Variants in CDH4 observed in about 807,000 individuals in gnomAD.
CDH4 encodes cadherin 4.
A neutral mutation model predicts 86.0 loss-of-function variants in CDH4; 33 were observed. The observed-to-expected ratio is 0.38, with a 90% CI of 0.29 to 0.51. The LOEUF (loss-of-function observed/expected upper bound fraction) is 0.51, where lower values mean the gene tolerates loss of function less well. Among genes scored for constraint, CDH4 ranks in the 20% least tolerant of loss-of-function variants. The pLI is 0.86. For missense variants in CDH4, 1,114 were observed against 1,307.4 expected (o/e 0.85, Z 2.28); for synonymous variants, 555 against 549.4 (o/e 1.01, Z -0.14).
intron 2 of CDH4, among the ~76,000 whole-genome samples, chr20:61,346,602 G>T (rs899883698): frequency 1.3e-5 from 2 of 152,076 alleles, no homozygotes; most frequent in African/African-American, 2.4e-5. Context: ...AAATTAGCTG[G>T]GCGTGGTGGC....
At chr20:61,363,427 T>A (rs187447846) in intron 2 of CDH4, among the ~76,000 whole-genome samples, 66 of 151,884 alleles carry the variant, frequency 4.3e-4, no homozygotes, top group African/African-American at 1.4e-3. Flanking sequence ...TCTCTCTCTC[T>A]CACATACACA....
intron 2 of CDH4, among the ~76,000 whole-genome samples, chr20:61,484,521 T>A (rs1338772682): frequency 1.3e-5 from 2 of 152,218 alleles, no homozygotes; most frequent in Non-Finnish European, 2.9e-5. Flanking sequence ...TGAGCAACCT[T>A]ACTTGGCTTT....
At position 61,383,275 on chromosome 20, in the gene CDH4, A is replaced by T. The variant is rs567184609; in HGVS notation, c.169+128338A>T. On this transcript the variant is annotated intron_variant, in intron 2 of 15. Transcript: ENST00000614565. Reference sequence around the variant, plus strand: ...ATATGAATATATGTGATATATATGAATATATGATATATATGAATATATGTG... The same window carrying T: ...ATATGAATATATGTGATATATATGATTATATGATATATATGAATATATGTG... Among the ~76,000 whole-genome samples the T allele has an allele frequency of 1.5e-3, 119 of 78,240 alleles. 19 individuals are homozygous for T. Among genetic ancestry groups the T allele is most frequent in the African/African-American group, 7.5e-3 (112 of 14,958 alleles). The allele number at this position is 78,240 out of a possible 152,430, so 51.3% of individuals were successfully genotyped here.
chr20:61,298,815 T>G (rs1413740797), intron 2 of CDH4, among the ~76,000 whole-genome samples: 1 of 2,234 alleles, frequency 4.5e-4, no homozygotes, highest in Non-Finnish European at 0.062. Context: ...GTGAGAGTCT[T>G]TTTTTTTTTC....
At chr20:61,639,322 G>T (rs893166641) in intron 2 of CDH4, among the ~76,000 whole-genome samples, 1 of 151,922 alleles carries the variant, frequency 6.6e-6, no homozygotes, top group African/African-American at 2.4e-5. Context: ...CTCCTTTGGA[G>T]GCGGGGGGCA....
rs531387785 is a variant in CDH4 at position 61,744,013 on chromosome 20, A to G, written c.396+224A>G. On this transcript the variant is annotated intron_variant, in intron 3 of 15. Transcript: ENST00000614565. ...CCCTGGGCAGGCACACAGGCCCCACACTCAGGTTCAGACACTATGCCACGG... is the reference window on the plus strand; with the variant it reads ...CCCTGGGCAGGCACACAGGCCCCACGCTCAGGTTCAGACACTATGCCACGG... Among the ~76,000 whole-genome samples the G allele has an allele frequency of 7.2e-5, 11 of 152,248 alleles. No homozygotes were observed. In the South Asian group the frequency reaches 1.7e-3, roughly 23 times the overall value.
intron 7 of CDH4, among the ~76,000 whole-genome samples, chr20:61,887,249 G>T (rs966638080): frequency 6.6e-6 from 1 of 152,204 alleles, no homozygotes; most frequent in Admixed American, 6.5e-5. Context: ...CAACGGGAAG[G>T]CCACTGGCTG....
At position 61,544,170 on chromosome 20, in the gene CDH4, C is replaced by T. The variant is rs575107195; in HGVS notation, c.170-199393C>T. On this transcript the variant is annotated intron_variant, in intron 2 of 15. Coordinates refer to ENST00000614565, the MANE Select transcript of CDH4 (RefSeq NM_001794.5). This position sits in a 1 kb window ranked among gnomAD's most constrained non-coding sequence, Gnocchi z 6.5. The stretch of plus-strand genomic sequence containing the variant: ...CGGCCATGTGGTCTCTTTAGATCTG[C>T]GGTTCTCTTTCAGAGATGATGCTGC... 6.4e-4 allele frequency among the ~76,000 whole-genome samples: 97 copies of T among 152,296 alleles called. No homozygotes were observed. The highest frequency in any genetic ancestry group is 2.2e-3 in the African/African-American group (93 of 41,578).
chr20:61,761,983 G>A (rs2088639587), intron 3 of CDH4, among the ~76,000 whole-genome samples: 1 of 152,242 alleles, frequency 6.6e-6, no homozygotes, highest in South Asian at 2.1e-4. Flanking sequence ...TTAGAGGGCT[G>A]GGCGCAAGGA....
intron 2 of CDH4, among the ~76,000 whole-genome samples, chr20:61,365,631 G>T (rs2084807648): frequency 6.6e-6 from 1 of 152,142 alleles, no homozygotes. Flanking sequence ...AGGGAAGCTG[G>T]GTCTGAACCT....
At chr20:61,354,717 A>G (rs957686199) in intron 2 of CDH4, among the ~76,000 whole-genome samples, 2 of 152,204 alleles carry the variant, frequency 1.3e-5, no homozygotes, top group Non-Finnish European at 2.9e-5. Flanking sequence ...TGCTCGGCCA[A>G]GGTTTAGCCC....
intron 2 of CDH4, among the ~76,000 whole-genome samples, chr20:61,541,147 C>A (rs1270565370): frequency 1.3e-5 from 2 of 152,176 alleles, no homozygotes; most frequent in East Asian, 3.9e-4. Flanking sequence ...TAATTAACCA[C>A]CCCAGTCGTC....
chr20:61,584,600 G>A (rs557160728), intron 2 of CDH4, among the ~76,000 whole-genome samples: 51 of 152,258 alleles, frequency 3.3e-4, no homozygotes, highest in Admixed American at 2.7e-3. Flanking sequence ...ATTGGGTGCT[G>A]GGGGCACCTC....
intron 4 of CDH4, among the ~76,000 whole-genome samples, chr20:61,775,546 C>T (rs1419034058): frequency 2.0e-5 from 3 of 152,172 alleles, no homozygotes; most frequent in African/African-American, 7.2e-5. Context: ...ACAGGTTGGC[C>T]GTGTTCCACT....
At chr20:61,853,426 C>A (rs59292461) in intron 6 of CDH4, among the ~76,000 whole-genome samples, 10,744 of 152,210 alleles carry the variant, frequency 0.071, 490 homozygotes, top group East Asian at 0.13. Context: ...GGACTCCCCC[C>A]ACAGAGGCGA....
chr20:61,313,423 T>C (rs1317355755), intron 2 of CDH4, among the ~76,000 whole-genome samples: 2 of 152,144 alleles, frequency 1.3e-5, no homozygotes, highest in East Asian at 3.9e-4. Flanking sequence ...CATCTTTCGC[T>C]CTCATTTTTT....
chr20:61,527,710 G>C (rs549405521), intron 2 of CDH4, among the ~76,000 whole-genome samples: 1 of 152,216 alleles, frequency 6.6e-6, no homozygotes, highest in African/African-American at 2.4e-5. Context: ...GATGGGGAGA[G>C]GGTCCTGTCC....
intron 2 of CDH4, among the ~76,000 whole-genome samples, chr20:61,260,186 A>G (rs767382103): frequency 1.3e-5 from 2 of 152,192 alleles, no homozygotes; most frequent in Non-Finnish European, 2.9e-5. Context: ...TCTACCCTCC[A>G]GTGTTCCTTG....
At chr20:61,337,330 G>A (rs796283035) in intron 2 of CDH4, among the ~76,000 whole-genome samples, 12 of 116,282 alleles carry the variant, frequency 1.0e-4, no homozygotes, top group East Asian at 8.8e-4. Flanking sequence ...TGATGGTGAT[G>A]ATAATGATGG....
Sources: allele counts gnomAD v4.1 joint callset (sites outside exome capture counted in the v4.1 genomes callset), GRCh38; gene constraint gnomAD v4.1.1; non-coding constraint Gnocchi (gnomAD v3.1); transcripts MANE v1.5; gene names NCBI Gene and HGNC (gene_info 2026-07-23, HGNC 2026-07-21).